Variants in JAML observed in about 807,000 individuals in gnomAD.
The protein encoded by JAML is junction adhesion molecule like.
Under a neutral mutation model 39.3 loss-of-function variants are expected in JAML, and 25 were observed. The observed-to-expected ratio is 0.64, with a 90% CI of 0.46 to 0.89. The LOEUF (loss-of-function observed/expected upper bound fraction) is 0.89, where lower values mean the gene tolerates loss of function less well. Ranked by LOEUF, JAML falls within the 40% of genes least tolerant of loss-of-function variation. The pLI, the probability that JAML is intolerant of heterozygous loss-of-function variation, is 0.00. For missense variants in JAML, 440 were observed against 486.9 expected, an observed-to-expected ratio of 0.90 and a Z score of 0.91; for synonymous variants, 162 against 179.2, an observed-to-expected ratio of 0.90 and a Z score of 0.77.
chr11:118,197,132 C>A, intron 8 of JAML: 1 of 292,512 alleles, frequency 3.4e-6, no homozygotes, highest in African/African-American at 2.2e-5. Flanking sequence ...GGGTTATTTC[C>A]TTCTAATTAC....
Position 118,222,178 on chromosome 11 carries a change from G to A in JAML, c.-21+2763C>T, listed in dbSNP as rs1949216628. Among the ~76,000 whole-genome samples the A allele has an allele frequency of 6.6e-6, 1 of 151,908 alleles. No individual in the cohort carries two copies. Among genetic ancestry groups the A allele is most frequent in the Admixed American group, 6.6e-5 (1 of 15,254 alleles). ...TGCCTATAATCCTAGCACTTTGAGA[G>A]GCCAAGGTGGACAGATCGCTTGAGC... On this transcript the variant is annotated intron_variant, in intron 1 of 9. Coordinates refer to ENST00000356289, the MANE Select transcript of JAML (RefSeq NM_001098526.2). The surrounding 1 kb of genome is among the most constrained non-coding windows in gnomAD (Gnocchi z 4.2).
At chr11:118,204,498 T>G (rs1218067116) in intron 5 of JAML, 1 of 152,426 alleles carries the variant, frequency 6.6e-6, no homozygotes, top group Non-Finnish European at 1.5e-5. Context: ...CTTGGGTCAC[T>G]GCGCTCCAGC....
In JAML at chr11:118,210,620, A is replaced by G; in HGVS notation, c.291T>C (p.Asn97=). 1.2e-6 allele frequency: 2 copies of G among 1,614,230 alleles called. No homozygotes were observed. Among genetic ancestry groups the G allele is most frequent in the Non-Finnish European group, 1.7e-6 (2 of 1,180,028 alleles). The change falls in exon 4 of 10, where the codon AAT becomes AAC. Residue 97 remains asparagine (N), a synonymous_variant. Transcript: ENST00000356289. The part of the protein sequence containing the change: ...RVHLMGDILC[N]DGSLLLQDVQ... ...CATCTTGGAGCAGGAGAGAGCCATC[A>G]TTGCATAAGATGTCCCCCATCAAGT...
rs941676925 is a variant in JAML at position 118,222,088 on chromosome 11, A to G, written c.-21+2853T>C. On this transcript the variant is annotated intron_variant, in intron 1 of 9. Coordinates refer to ENST00000356289, the MANE Select transcript of JAML (RefSeq NM_001098526.2). The surrounding 1 kb of genome is among the most constrained non-coding windows in gnomAD (Gnocchi z 4.2). ...TCAGAAATCAACTTAATTAAAGACG[A>G]TATTTGGGCTGTATGTATACAGATA... Among the ~76,000 whole-genome samples, 3 of 152,306 alleles carry G rather than the reference A, an allele frequency of 2.0e-5. No individual in the cohort carries two copies. The highest frequency in any genetic ancestry group is 4.4e-5 in the Non-Finnish European group (3 of 68,026).
At chr11:118,195,296 C>G (rs1328653481) in intron 9 of JAML, among the ~76,000 whole-genome samples, 1 of 152,086 alleles carries the variant, frequency 6.6e-6, no homozygotes. Context: ...ATGTTTCACT[C>G]GGTGGATCCA....
intron 6 of JAML, 36 bp downstream of exon 6, chr11:118,203,392 A>G: frequency 6.3e-7 from 1 of 1,575,616 alleles, no homozygotes; most frequent in Non-Finnish European, 8.7e-7. Flanking sequence ...ACCAGCCAGG[A>G]GGTCCCTCAA....
chr11:118,208,241 A>AAG (rs1555106828), intron 4 of JAML, among the ~76,000 whole-genome samples: 33 of 12,182 alleles, frequency 2.7e-3, no homozygotes, highest in African/African-American at 7.2e-3. Flanking sequence ...CTAAAAAAAA[A>AAG]AGAGAGAGAG....
At chr11:118,196,866 T>G in intron 8 of JAML, 45 bp from the exon 9 acceptor site, 1 of 1,511,356 alleles carries the variant, frequency 6.6e-7, no homozygotes, top group Non-Finnish European at 9.2e-7. Context: ...ATTAGATGAA[T>G]CTTATACACC....
Position 118,222,410 on chromosome 11 carries a change from C to T in JAML, c.-21+2531G>A, listed in dbSNP as rs148887999. ...ATTCCAACCTGGCGACAGAGCGAGA[C>T]TCCATCTAAACAAACAAAAAGCCCC... On this transcript the variant is annotated intron_variant, in intron 1 of 9. Transcript: ENST00000356289. This position sits in a 1 kb window ranked among gnomAD's most constrained non-coding sequence, Gnocchi z 4.2. Among the ~76,000 whole-genome samples, 385 of 151,918 alleles carry T rather than the reference C, an allele frequency of 2.5e-3. No homozygotes were observed. The highest frequency in any genetic ancestry group is 8.5e-3 in the African/African-American group (351 of 41,438).
chr11:118,206,958 T>A (rs1948929202), intron 4 of JAML, among the ~76,000 whole-genome samples: 1 of 151,990 alleles, frequency 6.6e-6, no homozygotes, highest in Non-Finnish European at 1.5e-5. Flanking sequence ...TTCCAAAGAG[T>A]GTTAAGCAAA....
intron 2 of JAML, chr11:118,213,441 A>C: frequency 4.3e-6 from 2 of 469,130 alleles, no homozygotes; most frequent in Non-Finnish European, 5.6e-6. Flanking sequence ...CCCCAACAGT[A>C]GGCTCACACA....
In JAML at chr11:118,196,725, T is replaced by A; in HGVS notation, c.1092+10A>T. ...ACACCTGGCTCAGCTGAGGCCAGAATCATTCTCACCATGGTCATGTAGGTG... is the reference window on the plus strand; with the variant it reads ...ACACCTGGCTCAGCTGAGGCCAGAAACATTCTCACCATGGTCATGTAGGTG... On this transcript the variant is annotated intron_variant, in intron 9 of 9. Transcript: ENST00000356289. 4 of 1,604,548 alleles carry A rather than the reference T, an allele frequency of 2.5e-6. No homozygotes were observed. The highest frequency in any genetic ancestry group is 3.4e-6 in the Non-Finnish European group (4 of 1,171,414).
chr11:118,221,341 C>T (rs1015115910), intron 1 of JAML, among the ~76,000 whole-genome samples: 12 of 152,134 alleles, frequency 7.9e-5, no homozygotes, highest in African/African-American at 2.7e-4. Context: ...TTTTTGGCAC[C>T]GGGGACAATT....
chr11:118,200,371 T>G (rs1476739410), intron 7 of JAML, 103 bp downstream of exon 7: 5 of 1,381,262 alleles, frequency 3.6e-6, no homozygotes, highest in Non-Finnish European at 5.0e-6. Context: ...CCCCCTTCTG[T>G]GAGAATGGCA....
At chr11:118,212,683 C>T (rs1213668468) in intron 2 of JAML, 122 bp from the exon 3 acceptor site, 29 of 1,505,460 alleles carry the variant, frequency 1.9e-5, no homozygotes, top group Non-Finnish European at 2.5e-5. Flanking sequence ...AGACAAAGTC[C>T]TCGGAGGCAT....
chr11:118,217,416 G>A (rs1366929599), intron 1 of JAML, among the ~76,000 whole-genome samples: 1 of 152,202 alleles, frequency 6.6e-6, no homozygotes, highest in East Asian at 1.9e-4. Context: ...TATCATGAAT[G>A]GAAAACGCTC....
intron 8 of JAML, chr11:118,197,036 T>C (rs1948673524): frequency 2.1e-6 from 1 of 473,512 alleles, no homozygotes; most frequent in Non-Finnish European, 3.8e-6. Context: ...ACCAAACTCT[T>C]TGCTTCAAAA....
chr11:118,212,186 C>T (rs996512821), intron 3 of JAML, among the ~76,000 whole-genome samples: 9 of 152,226 alleles, frequency 5.9e-5, no homozygotes, highest in Admixed American at 3.9e-4. Flanking sequence ...TTCCTCTTCA[C>T]AGCTCAGGAA....
Position 118,194,293 on chromosome 11 carries a change from C to A in JAML, c.*32G>T. The A allele has an allele frequency of 6.3e-7, 1 of 1,575,720 alleles. No individual in the cohort carries two copies. The highest frequency in any genetic ancestry group is 8.7e-7 in the Non-Finnish European group (1 of 1,145,262). On this transcript the variant is annotated 3_prime_UTR_variant, in exon 10 of 10. Coordinates refer to ENST00000356289, the MANE Select transcript of JAML (RefSeq NM_001098526.2). ...GACACACACAGGAGAGAGTCTCCAC[C>A]GCTGCTGAGATGAAGGGACTCTCCA...
Sources: allele counts gnomAD v4.1 joint callset (sites outside exome capture counted in the v4.1 genomes callset), GRCh38; gene constraint gnomAD v4.1.1; non-coding constraint Gnocchi (gnomAD v3.1); transcripts MANE v1.5; gene names NCBI Gene and HGNC (gene_info 2026-07-23, HGNC 2026-07-21).